The following SGF29 variants were observed in gnomAD, a reference collection of about 807,000 sequenced individuals.
SGF29 encodes SAGA complex associated factor 29.
In SGF29, 15 loss-of-function variants were observed where a neutral mutation model predicts 38.1. The ratio of observed to expected loss-of-function variants is 0.39; its 90% CI spans 0.26 to 0.61. SGF29 has a LOEUF of 0.61. Ranked by LOEUF, SGF29 falls within the 20% of genes least tolerant of loss-of-function variation. The probability of loss-of-function intolerance (pLI) is 0.49; values close to 1 mark genes in which losing one functional copy is unlikely to be tolerated. For synonymous variants in SGF29, 151 were observed against 160.8 expected, an observed-to-expected ratio of 0.94 and a Z score of 0.46; for missense variants, 184 against 394.6, an observed-to-expected ratio of 0.47 and a Z score of 4.52.
At chr16:28,558,877 G>T (rs781654825) in intron 1 of SGF29, among the ~76,000 whole-genome samples, 19 of 152,148 alleles carry the variant, frequency 1.2e-4, no homozygotes, top group Non-Finnish European at 2.5e-4. Flanking sequence ...AATAATGGCT[G>T]CCAGTGACTG....
In SGF29 at chr16:28,589,093, C is replaced by T; in HGVS notation, c.225-7C>T. 6.2e-7 allele frequency: 1 copy of T among 1,614,136 alleles called. No individual in the cohort carries two copies. The highest frequency in any genetic ancestry group is 1.1e-5 in the South Asian group (1 of 91,068). ...AAACCCTCTTTCTCCCTTCTCCCCGCCCTCAGCATCCTTCGGAAAGCTCTG... is the reference window on the plus strand; with the variant it reads ...AAACCCTCTTTCTCCCTTCTCCCCGTCCTCAGCATCCTTCGGAAAGCTCTG... On this transcript the variant is annotated splice_region_variant and splice_polypyrimidine_tract_variant and intron_variant, in intron 4 of 9. Coordinates refer to ENST00000317058, the MANE Select transcript of SGF29 (RefSeq NM_138414.3).
intron 2 of SGF29, among the ~76,000 whole-genome samples, chr16:28,582,590 G>C (rs2151651135): frequency 6.6e-6 from 1 of 152,306 alleles, no homozygotes; most frequent in East Asian, 1.9e-4. Context: ...CATCAGCTCA[G>C]CTTTTCTGTA....
rs370988098 is a variant in SGF29, at chr16:28,589,091, C to T, written c.225-9C>T. 44 of 1,613,976 alleles carry T rather than the reference C, an allele frequency of 2.7e-5. No homozygotes were observed. The highest frequency in any genetic ancestry group is 1.6e-4 in the Middle Eastern group (1 of 6,084). On this transcript the variant is annotated splice_polypyrimidine_tract_variant and intron_variant, in intron 4 of 9. Coordinates refer to ENST00000317058, the MANE Select transcript of SGF29 (RefSeq NM_138414.3). Reference sequence around the variant, plus strand: ...CCAAACCCTCTTTCTCCCTTCTCCCCGCCCTCAGCATCCTTCGGAAAGCTC... The same window carrying T: ...CCAAACCCTCTTTCTCCCTTCTCCCTGCCCTCAGCATCCTTCGGAAAGCTC...
intron 1 of SGF29, among the ~76,000 whole-genome samples, chr16:28,573,051 C>T (rs180976208): frequency 7.9e-5 from 12 of 152,308 alleles, no homozygotes; most frequent in South Asian, 4.1e-4. Flanking sequence ...GTCTCTTCCA[C>T]GGAAAATGTT....
chr16:28,570,885 C>G (rs1319303740), intron 1 of SGF29, among the ~76,000 whole-genome samples: 2 of 151,896 alleles, frequency 1.3e-5, no homozygotes, highest in African/African-American at 4.8e-5. Flanking sequence ...CCACCCATAT[C>G]TGATTTAGAT....
chr16:28,588,935 C>T (rs926233805), intron 4 of SGF29, among the ~76,000 whole-genome samples, 165 bp from the exon 5 acceptor site: 1 of 152,184 alleles, frequency 6.6e-6, no homozygotes, highest in African/African-American at 2.4e-5. Flanking sequence ...GAACAGGAAC[C>T]TGCACACACC....
intron 4 of SGF29, among the ~76,000 whole-genome samples, chr16:28,588,388 G>GC (rs1395659137): frequency 6.6e-6 from 1 of 152,126 alleles, no homozygotes; most frequent in Non-Finnish European, 1.5e-5. Context: ...CAGACCTGAG[G>GC]CCCCCTCTCC....
chr16:28,574,947 G>T (rs901327236), intron 1 of SGF29, among the ~76,000 whole-genome samples: 4 of 152,142 alleles, frequency 2.6e-5, no homozygotes, highest in Admixed American at 6.5e-5. Flanking sequence ...CTAATTCACC[G>T]TGTTCACTTC....
In SGF29 at chr16:28,589,036, T is replaced by C. The variant is rs2046971290; in HGVS notation, c.225-64T>C. 2.5e-6 allele frequency: 4 copies of C among 1,577,592 alleles called. No individual in the cohort carries two copies. In the Admixed American group the frequency reaches 6.7e-5, roughly 27 times the overall value. ...GTAGCTTGACCCAAAACAGAAAAAA[T>C]GGAAGAGAAGTCTATGCTATGTACG... On this transcript the variant is annotated intron_variant, in intron 4 of 9. Transcript: ENST00000317058.
intron 1 of SGF29, among the ~76,000 whole-genome samples, chr16:28,560,736 C>T (rs994186946): frequency 2.0e-5 from 3 of 151,544 alleles, no homozygotes; most frequent in African/African-American, 2.4e-5. Context: ...CCAAGGCAGG[C>T]GGATCACGAG....
At chr16:28,568,264 G>T (rs1020173198) in intron 1 of SGF29, among the ~76,000 whole-genome samples, 2 of 124,254 alleles carry the variant, frequency 1.6e-5, no homozygotes, top group Non-Finnish European at 3.1e-5. Context: ...AGTGAGCCAA[G>T]ATCATGCCAT....
chr16:28,575,689 C>A (rs2046888363), intron 1 of SGF29, among the ~76,000 whole-genome samples: 1 of 152,138 alleles, frequency 6.6e-6, no homozygotes. Context: ...CGTCTCAAAA[C>A]AAACAAGCAA....
intron 4 of SGF29, among the ~76,000 whole-genome samples, chr16:28,586,631 C>T (rs965655674): frequency 6.6e-6 from 1 of 152,078 alleles, no homozygotes; most frequent in East Asian, 1.9e-4. Context: ...GTTCTGAAGT[C>T]TGACTGTGCC....
chr16:28,555,269 G>T (rs2151639492), intron 1 of SGF29, among the ~76,000 whole-genome samples: 1 of 151,364 alleles, frequency 6.6e-6, no homozygotes, highest in South Asian at 2.1e-4. Context: ...TTTGAGACCA[G>T]CCCGAGCAAC....
intron 1 of SGF29, among the ~76,000 whole-genome samples, chr16:28,568,919 GAAAAA>G (rs200404862): frequency 7.7e-6 from 1 of 129,202 alleles, no homozygotes; most frequent in African/African-American, 2.9e-5. Context: ...CTCAAAAAAA[GAAAAA>G]AAAAAAATAC....
intron 1 of SGF29, among the ~76,000 whole-genome samples, chr16:28,571,591 TAAAAAAA>T (rs143979584): frequency 7.9e-6 from 1 of 127,314 alleles, no homozygotes; most frequent in African/African-American, 2.9e-5. Context: ...GACTCCGCCT[TAAAAAAA>T]AAAAAAAAAA....
At chr16:28,554,519 C>T (rs1253625490) in intron 1 of SGF29, among the ~76,000 whole-genome samples, 1 of 152,188 alleles carries the variant, frequency 6.6e-6, no homozygotes, top group Non-Finnish European at 1.5e-5. Context: ...ACAAGATACA[C>T]TAACAGCTCG....
chr16:28,591,613 G>A lies in SGF29; in HGVS notation c.789G>A (p.Leu263=). 5 of 1,614,024 alleles carry A rather than the reference G, an allele frequency of 3.1e-6. No individual in the cohort carries two copies. Among genetic ancestry groups the A allele is most frequent in the Non-Finnish European group, 4.2e-6 (5 of 1,179,896 alleles). ...PQRPQDDYSV[L]FEDTSYADGY... ...AGCCCCAGGATGACTACTCGGTCCT[G>A]TTTGAAGACACCTCCTATGCAGATG... Residue 263 remains leucine (L), a synonymous_variant, in exon 10 of 10, where the codon CTG becomes CTA. Coordinates refer to ENST00000317058, the MANE Select transcript of SGF29 (RefSeq NM_138414.3).
intron 1 of SGF29, among the ~76,000 whole-genome samples, chr16:28,574,087 C>T (rs1216498408): frequency 6.6e-6 from 1 of 152,126 alleles, no homozygotes; most frequent in African/African-American, 2.4e-5. Flanking sequence ...TCACTTCTTG[C>T]CTGTTAAGAA....
Sources: allele counts gnomAD v4.1 joint callset (sites outside exome capture counted in the v4.1 genomes callset), GRCh38; gene constraint gnomAD v4.1.1; transcripts MANE v1.5; gene names NCBI Gene and HGNC (gene_info 2026-07-23, HGNC 2026-07-21).